ZNF814: variants seen among roughly 807,000 people sequenced by gnomAD.
The protein encoded by ZNF814 is zinc finger protein 814.
In ZNF814, 5 loss-of-function variants were observed where a neutral mutation model predicts 7.5. The observed-to-expected ratio is 0.67, with a 90% confidence interval of 0.35 to 1.40. The LOEUF (loss-of-function observed/expected upper bound fraction) is 1.40, where lower values mean the gene tolerates loss of function less well. Ranked by LOEUF, ZNF814 falls within the 40% of genes most tolerant of loss-of-function variation. The probability of loss-of-function intolerance (pLI) is 0.04; values close to 1 mark genes in which losing one functional copy is unlikely to be tolerated. For synonymous variants in ZNF814, 315 were observed against 340.7 expected (o/e 0.92, Z 0.83); for missense variants, 962 against 1,018.0 (o/e 0.94, Z 0.75).
chr19:57,876,689 G>A, intron 2 of ZNF814: 1 of 614,234 alleles, frequency 1.6e-6, no homozygotes, highest in Non-Finnish European at 2.6e-6. Context: ...GTGGGCTTCT[G>A]ACTGGGAATC....
upstream of ZNF814, among the ~76,000 whole-genome samples, chr19:57,889,959 T>C (rs1328890556): frequency 2.0e-5 from 3 of 152,198 alleles, no homozygotes; most frequent in Admixed American, 6.5e-5. Flanking sequence ...AGAACTCACA[T>C]TGAGATTTCT....
At position 57,870,227 on chromosome 19, in the gene ZNF814, G is replaced by A. The variant is rs1185196782; in HGVS notation, c.*2595C>T. The A allele has an allele frequency of 6.6e-6, 1 of 152,144 alleles. No individual in the cohort carries two copies. The highest frequency in any genetic ancestry group is 1.5e-5 in the Non-Finnish European group (1 of 68,036). 9.4% of individuals were successfully genotyped at this position (152,144 alleles called of 1,614,324 possible). Reference sequence around the variant, plus strand: ...TGCACTCCATCCAGCCTGGGCAACAGAGCAAGACTCCGTCTCAAAATAAAT... The same window carrying A: ...TGCACTCCATCCAGCCTGGGCAACAAAGCAAGACTCCGTCTCAAAATAAAT... On this transcript the variant is annotated 3_prime_UTR_variant, in exon 3 of 3. Transcript: ENST00000435989.
the ZNF814 span, among the ~76,000 whole-genome samples, chr19:57,902,584 C>T: frequency 1.4e-5 from 2 of 140,166 alleles, no homozygotes; most frequent in Non-Finnish European, 3.2e-5. Context: ...TATGTTCTCT[C>T]TTTTCTTTCT....
Position 57,875,146 on chromosome 19 carries a change from G to C in ZNF814, c.244C>G (p.Pro82Ala). The C allele has an allele frequency of 6.4e-7, 1 of 1,556,712 alleles. No homozygotes were observed. The highest frequency in any genetic ancestry group is 8.7e-7 in the Non-Finnish European group (1 of 1,149,280). Residue 82 changes from proline (P) to alanine (A), a missense_variant, in exon 3 of 3, where the codon CCT (proline) becomes GCT (alanine). Transcript: ENST00000435989. ...YIQRETQVRTPMAGVSPKKAH... is the reference protein window; with the variant it reads ...YIQRETQVRTAMAGVSPKKAH... ...TTCTTGGGAGACACACCTGCCATAG[G>C]AGTCCTGACCTGAGTCTCTCTTTGT...
intron 1 of ZNF814, among the ~76,000 whole-genome samples, chr19:57,881,528 CGAG>C (rs2071653631): frequency 9.1e-6 from 1 of 110,446 alleles, no homozygotes; most frequent in South Asian, 3.0e-4. Context: ...TCCTTCCACT[CGAG>C]GAGAGGAGAG....
chr19:57,884,827 C>T (rs1232099130), intron 1 of ZNF814, among the ~76,000 whole-genome samples: 1 of 152,128 alleles, frequency 6.6e-6, no homozygotes, highest in Non-Finnish European at 1.5e-5. Flanking sequence ...ATTAGTACAA[C>T]CACTATGGAG....
rs375617852 is a variant in ZNF814 at position 57,874,024 on chromosome 19, G to C, written c.1366C>G (p.Arg456Gly). 1.2e-6 allele frequency: 2 copies of C among 1,612,978 alleles called. No homozygotes were observed. The highest frequency in any genetic ancestry group is 1.7e-6 in the Non-Finnish European group (2 of 1,179,584). Residue 456 changes from arginine (R) to glycine (G), a missense_variant, in exon 3 of 3, where the codon CGA (arginine) becomes GGA (glycine). Coordinates refer to ENST00000435989, the MANE Select transcript of ZNF814 (RefSeq NM_001144989.2). ...SSEGHLRSHQ[R>G]VHAGERPFKC... ...AAAGGTCTTTCTCCGGCGTGAACTC[G>C]TTGATGGCTCCTAAGATGTCCTTCT...
At chr19:57,878,723 TGCCGGGATTACAG>T (rs913712292) in intron 1 of ZNF814, among the ~76,000 whole-genome samples, 1 of 152,144 alleles carries the variant, frequency 6.6e-6, no homozygotes, top group African/African-American at 2.4e-5. Flanking sequence ...CCTACTAAAG[TGCCGGGATTACAG>T]GCGTGAGCCG....
chr19:57,888,684 C>A, intron 1 of ZNF814, 83 bp downstream of exon 1: 2 of 1,517,964 alleles, frequency 1.3e-6, no homozygotes, highest in Non-Finnish European at 1.8e-6. Context: ...GTCCGGGCTG[C>A]AGAGCCGTGA....
Position 57,874,390 on chromosome 19 carries a change from T to C in ZNF814, c.1000A>G (p.Ser334Gly), listed in dbSNP as rs1038153690. 5 of 1,541,790 alleles carry C rather than the reference T, an allele frequency of 3.2e-6. No individual in the cohort carries two copies. The highest frequency in any genetic ancestry group is 4.4e-6 in the Non-Finnish European group (5 of 1,143,548). ...TGATTACTGAAGCTAGCATATTTGC[T>C]AAACGATTTCCCACATTCTCCACAT... The part of the protein sequence containing the change: ...YECGECGKSF[S>G]KYASFSNHQR... Residue 334 changes from serine to glycine, a missense_variant, in exon 3 of 3, where the codon AGC becomes GGC. By Grantham distance (56) the Ser-to-Gly change is moderately conservative. This residue lies in a region of ZNF814 where 30 missense variants were observed against 97.6 expected (regional missense o/e 0.31). Coordinates refer to ENST00000435989, the MANE Select transcript of ZNF814 (RefSeq NM_001144989.2).
the ZNF814 span, among the ~76,000 whole-genome samples, chr19:57,899,898 T>C: frequency 6.6e-6 from 1 of 152,168 alleles, no homozygotes; most frequent in Non-Finnish European, 1.5e-5. Flanking sequence ...TGGGATATGA[T>C]CCAAATCAAA....
intron 1 of ZNF814, among the ~76,000 whole-genome samples, chr19:57,878,064 G>A (rs907864943): frequency 1.1e-4 from 16 of 151,298 alleles, no homozygotes; most frequent in African/African-American, 3.4e-4. Flanking sequence ...TACTTGGGAG[G>A]CTGAGGCAGG....
chr19:57,897,053 C>CT, the ZNF814 span, among the ~76,000 whole-genome samples: 1 of 152,112 alleles, frequency 6.6e-6, no homozygotes, highest in East Asian at 1.9e-4. Context: ...GAAAAATATC[C>CT]TTTTTTCAGT....
chr19:57,879,792 G>A (rs2071637172), intron 1 of ZNF814, among the ~76,000 whole-genome samples: 1 of 130,640 alleles, frequency 7.7e-6, no homozygotes, highest in East Asian at 2.5e-4. Flanking sequence ...CTGCTGCTAA[G>A]GCCAAAAACC....
chr19:57,871,765 G>A lies in ZNF814; in HGVS notation c.*1057C>T, dbSNP rs1600133708. On this transcript the variant is annotated 3_prime_UTR_variant, in exon 3 of 3. Coordinates refer to ENST00000435989, the MANE Select transcript of ZNF814 (RefSeq NM_001144989.2). Reference sequence around the variant, plus strand: ...AAATGACAAAGGAAGAAGTGCTGAAGCTACTCAACAAATCCTTCTGTGACT... The same window carrying A: ...AAATGACAAAGGAAGAAGTGCTGAAACTACTCAACAAATCCTTCTGTGACT... 6.8e-6 allele frequency: 1 copy of A among 146,432 alleles called. No homozygotes were observed. The highest frequency in any genetic ancestry group is 1.5e-5 in the Non-Finnish European group (1 of 67,372). The allele number at this position is 146,432 out of a possible 1,614,324, so 9.1% of individuals were successfully genotyped here.
chr19:57,891,361 T>C (rs2071733254), upstream of ZNF814, among the ~76,000 whole-genome samples: 2 of 151,046 alleles, frequency 1.3e-5, no homozygotes, highest in African/African-American at 4.9e-5. Context: ...CTGTCTCTAC[T>C]AAAAATACAA....
chr19:57,887,907 T>C (rs2071706381), intron 1 of ZNF814, among the ~76,000 whole-genome samples: 1 of 152,232 alleles, frequency 6.6e-6, no homozygotes, highest in African/African-American at 2.4e-5. Context: ...TAACCATTTG[T>C]CTTTTAAATT....
rs2071565541 is a variant in ZNF814 at position 57,872,685 on chromosome 19, TATG to T, written c.*134_*136del. On this transcript the variant is annotated 3_prime_UTR_variant, in exon 3 of 3. Transcript: ENST00000435989. The stretch of plus-strand genomic sequence containing the variant: ...GTGGTGTGACCAGTGTGAACTCTCT[TATG>T]AACACAGAATGCAGAGCTGTGGGTA... The T allele has an allele frequency of 2.5e-6, 4 of 1,592,126 alleles. No individual in the cohort carries two copies. Among genetic ancestry groups the T allele is most frequent in the Non-Finnish European group, 3.4e-6 (4 of 1,167,594 alleles).
the ZNF814 span, chr19:57,901,780 C>G: frequency 1.5e-5 from 6 of 398,476 alleles, no homozygotes; most frequent in Non-Finnish European, 2.7e-5. Flanking sequence ...GTGGTACTTA[C>G]TGTGGCGGTA....
Sources: allele counts gnomAD v4.1 joint callset (sites outside exome capture counted in the v4.1 genomes callset), GRCh38; gene constraint gnomAD v4.1.1; regional missense constraint gnomAD v4.1.1; transcripts MANE v1.5; gene names NCBI Gene and HGNC (gene_info 2026-07-23, HGNC 2026-07-21).